Variants in ERICH5 observed in about 807,000 individuals in gnomAD.
ERICH5 encodes the protein glutamate-rich protein 5.
Under a neutral mutation model 28.0 loss-of-function variants are expected in ERICH5, and 24 were observed. The observed-to-expected ratio is 0.86, with a 90% CI of 0.62 to 1.21. The LOEUF (loss-of-function observed/expected upper bound fraction) is 1.21, where lower values mean the gene tolerates loss of function less well. ERICH5 is among the 50% of genes most tolerant of loss of function. The pLI is 0.00. For missense variants in ERICH5, 421 were observed against 441.2 expected, an observed-to-expected ratio of 0.95 and a Z score of 0.41; for synonymous variants, 163 against 157.6, an observed-to-expected ratio of 1.03 and a Z score of -0.25.
chr8:98,091,836 T>TTTTCTTTCTTTTTC (rs1815390456), intron 2 of ERICH5, among the ~76,000 whole-genome samples: 14 of 107,302 alleles, frequency 1.3e-4, no homozygotes, highest in African/African-American at 4.9e-4. Context: ...TTCTTTTTCT[T>TTTTCTTTCTTTTTC]TTTCTTTCTT....
intron 1 of ERICH5, among the ~76,000 whole-genome samples, chr8:98,070,752 G>A (rs1250751188): frequency 1.3e-5 from 2 of 151,498 alleles, no homozygotes; most frequent in African/African-American, 2.4e-5. Context: ...TTGAGTAGAT[G>A]GATGGGTGAA....
rs763925151 is a variant in ERICH5, at chr8:98,085,985, C to G, written c.59-3091C>G. ...AGAGCCTGTAGTTTTCATCTTTGTA[C>G]GTAAACTGCTTTTGTACATCCCATG... On this transcript the variant is annotated intron_variant, in intron 1 of 2. Transcript: ENST00000318528. Among the ~76,000 whole-genome samples, 168 of 152,146 alleles carry G rather than the reference C, an allele frequency of 1.1e-3. 3 individuals carry two copies. The highest frequency in any genetic ancestry group is 4.3e-4 in the Non-Finnish European group (29 of 68,026).
intron 1 of ERICH5, among the ~76,000 whole-genome samples, chr8:98,068,124 TGGGATTACAGGTATGAGCC>T (rs1327812249): frequency 2.6e-5 from 4 of 152,292 alleles, no homozygotes; most frequent in African/African-American, 9.6e-5. Context: ...CCCAAAGTGC[TGGGATTACAGGTATGAGCC>T]ACTGTGCCCA....
At chr8:98,069,340 A>G (rs1586197236) in intron 1 of ERICH5, among the ~76,000 whole-genome samples, 1 of 151,944 alleles carries the variant, frequency 6.6e-6, no homozygotes, top group Non-Finnish European at 1.5e-5. Context: ...TCATCTATTT[A>G]GTTCGAATCA....
intron 1 of ERICH5, among the ~76,000 whole-genome samples, chr8:98,075,284 A>T (rs143395122): frequency 2.0e-3 from 299 of 152,278 alleles, no homozygotes; most frequent in Non-Finnish European, 3.5e-3. Flanking sequence ...CAGTTTAATT[A>T]TGTTCATGAT....
intron 1 of ERICH5, among the ~76,000 whole-genome samples, chr8:98,070,660 CAAAAAAA>C (rs769042472): frequency 7.2e-4 from 28 of 38,748 alleles, no homozygotes; most frequent in African/African-American, 2.3e-3. Flanking sequence ...AACTGCATCT[CAAAAAAA>C]AAAAAAAAAA....
Position 98,064,572 on chromosome 8 carries a change from C to T in ERICH5, c.-98C>T. The T allele has an allele frequency of 9.2e-7, 1 of 1,081,468 alleles. No individual in the cohort carries two copies. Among genetic ancestry groups the T allele is most frequent in the Non-Finnish European group, 1.3e-6 (1 of 778,214 alleles). The allele number at this position is 1,081,468 out of a possible 1,614,324, so 67.0% of individuals were successfully genotyped here. A position where few individuals can be genotyped will look rare whatever the true frequency, so the allele number is the denominator to read the frequency against. The stretch of plus-strand genomic sequence containing the variant: ...CGCCCAAGGGAGCCGGGCTGCAGAG[C>T]TGGAGAAACTTCCGCGGCTACGGGT... On this transcript the variant is annotated 5_prime_UTR_variant, in exon 1 of 3. Coordinates refer to ENST00000318528, the MANE Select transcript of ERICH5 (RefSeq NM_173549.3).
Position 98,093,584 on chromosome 8 carries a change from C to T in ERICH5, c.*251C>T, listed in dbSNP as rs1193340812. On this transcript the variant is annotated 3_prime_UTR_variant, in exon 3 of 3. Transcript: ENST00000318528. Reference sequence around the variant, plus strand: ...ACATTTAAAAGTATAAAAACCAAAGCCAATAAAAATGATGTGATTATTTAA... The same window carrying T: ...ACATTTAAAAGTATAAAAACCAAAGTCAATAAAAATGATGTGATTATTTAA... 2.9e-5 allele frequency: 8 copies of T among 279,972 alleles called. 1 individual carries two copies. Among genetic ancestry groups the T allele is most frequent in the Non-Finnish European group, 5.3e-5 (8 of 151,044 alleles). The allele number at this position is 279,972 out of a possible 1,614,324, so 17.3% of individuals were successfully genotyped here.
chr8:98,067,859 C>T (rs1814847344), intron 1 of ERICH5, among the ~76,000 whole-genome samples: 1 of 152,080 alleles, frequency 6.6e-6, no homozygotes, highest in African/African-American at 2.4e-5. Flanking sequence ...CCGCCTCAGC[C>T]TCCCAAAGTA....
At position 98,086,760 on chromosome 8, in the gene ERICH5, C is replaced by T. The variant is rs559884951; in HGVS notation, c.59-2316C>T. On this transcript the variant is annotated intron_variant, in intron 1 of 2. Coordinates refer to ENST00000318528, the MANE Select transcript of ERICH5 (RefSeq NM_173549.3). ...GGTCATGAGATCGAGACCATCCTGG[C>T]TAACATGGTGAAACCCCATCTCTAC... is the stretch of plus-strand genomic sequence containing the variant. Among the ~76,000 whole-genome samples the T allele has an allele frequency of 5.0e-3, 753 of 152,048 alleles. 2 individuals carry two copies. The highest frequency in any genetic ancestry group is 8.4e-3 in the Non-Finnish European group (573 of 68,002).
At chr8:98,067,454 T>TTAA (rs1436164914) in intron 1 of ERICH5, among the ~76,000 whole-genome samples, 2 of 144,544 alleles carry the variant, frequency 1.4e-5, no homozygotes, top group Admixed American at 1.4e-4. Flanking sequence ...TGAGACTCAA[T>TTAA]TAAAAAAAAA....
At chr8:98,091,900 C>CTTTCTTTTCTTT in intron 2 of ERICH5, among the ~76,000 whole-genome samples, 2,213 of 74,686 alleles carry the variant, frequency 0.03, 76 homozygotes, top group East Asian at 0.088. Flanking sequence ...TTCTTTCTTT[C>CTTTCTTTTCTTT]CTTTCTTTCT....
rs1815341855 is a variant in ERICH5, at chr8:98,089,417, G to T, written c.400G>T (p.Ala134Ser). The T allele has an allele frequency of 6.2e-7, 1 of 1,614,118 alleles. No individual in the cohort carries two copies. The part of the protein sequence containing the change: ...APAAEGKKKD[A>S]GAGTEAESLK... ...AGCAGCAGAAGGAAAGAAGAAAGAT[G>T]CAGGAGCAGGGACAGAGGCCGAGTC... The change falls in exon 2 of 3, where the codon GCA (alanine) becomes TCA (serine). Residue 134 changes from alanine to serine, a missense_variant. Coordinates refer to ENST00000318528, the MANE Select transcript of ERICH5 (RefSeq NM_173549.3).
intron 2 of ERICH5, among the ~76,000 whole-genome samples, chr8:98,090,305 C>G (rs1815362386): frequency 1.3e-5 from 2 of 152,180 alleles, no homozygotes; most frequent in South Asian, 2.1e-4. Context: ...GTGAAACTTT[C>G]TGAATTTTTC....
intron 1 of ERICH5, among the ~76,000 whole-genome samples, chr8:98,079,166 CTTTTTT>C (rs528062932): frequency 7.9e-5 from 6 of 75,576 alleles, no homozygotes; most frequent in African/African-American, 1.9e-4. Flanking sequence ...TTTTTTTTTC[CTTTTTT>C]TTTTTTTTTT....
At position 98,064,704 on chromosome 8, in the gene ERICH5, G is replaced by A; in HGVS notation, c.35G>A (p.Gly12Asp). The change falls in exon 1 of 3, where the codon GGC becomes GAC. Residue 12 changes from glycine (G) to aspartate (D), a missense_variant. By Grantham distance (94) the Gly-to-Asp change is moderately conservative. Coordinates refer to ENST00000318528, the MANE Select transcript of ERICH5 (RefSeq NM_173549.3). ...GCSSSALNKA[G>D]DSSRFPSVTS... ...TCCAGCAGCGCCCTCAACAAGGCCGGCGACAGCAGCAGGTTCCCCAGCGGT... is the reference window on the plus strand; with the variant it reads ...TCCAGCAGCGCCCTCAACAAGGCCGACGACAGCAGCAGGTTCCCCAGCGGT... 6.5e-7 allele frequency: 1 copy of A among 1,535,402 alleles called. No homozygotes were observed. Among genetic ancestry groups the A allele is most frequent in the East Asian group, 2.4e-5 (1 of 40,832 alleles).
chr8:98,091,836 T>TTTTTC (rs1815390365), intron 2 of ERICH5, among the ~76,000 whole-genome samples: 1 of 107,226 alleles, frequency 9.3e-6, no homozygotes, highest in African/African-American at 3.7e-5. Flanking sequence ...TTCTTTTTCT[T>TTTTTC]TTTCTTTCTT....
At chr8:98,074,939 C>T (rs1388981283) in intron 1 of ERICH5, among the ~76,000 whole-genome samples, 1 of 152,184 alleles carries the variant, frequency 6.6e-6, no homozygotes, top group Non-Finnish European at 1.5e-5. Flanking sequence ...ATCATGCCTC[C>T]TTCAGCTCCC....
chr8:98,066,683 C>T (rs1814824235), intron 1 of ERICH5, among the ~76,000 whole-genome samples: 1 of 152,154 alleles, frequency 6.6e-6, no homozygotes, highest in African/African-American at 2.4e-5. Flanking sequence ...ACCTAATATG[C>T]GGCGTAAATT....
Sources: allele counts gnomAD v4.1 joint callset (sites outside exome capture counted in the v4.1 genomes callset), GRCh38; gene constraint gnomAD v4.1.1; transcripts MANE v1.5; gene names NCBI Gene and HGNC (gene_info 2026-07-23, HGNC 2026-07-21).